The following ZNF516 variants were observed in gnomAD, a reference collection of about 807,000 sequenced individuals.
ZNF516 encodes the protein zinc finger protein 516.
Under a neutral mutation model 79.7 loss-of-function variants are expected in ZNF516, and 19 were observed. The observed-to-expected ratio is 0.24, with a 90% CI of 0.17 to 0.35. The LOEUF is 0.35. Ranked by LOEUF, ZNF516 falls within the 10% of genes least tolerant of loss-of-function variation. The pLI, the probability that ZNF516 is intolerant of heterozygous loss-of-function variation, is 1.00. For synonymous variants in ZNF516, 877 were observed against 739.5 expected, an observed-to-expected ratio of 1.19 and a Z score of -3.02; for missense variants, 1,678 against 1,679.5, an observed-to-expected ratio of 1.00 and a Z score of 0.02.
At chr18:76,406,652 C>T (rs1232854239) in intron 3 of ZNF516, among the ~76,000 whole-genome samples, 1 of 152,242 alleles carries the variant, frequency 6.6e-6, no homozygotes, top group East Asian at 1.9e-4. Flanking sequence ...CTTTCCTAAG[C>T]CTTCCTGGCT....
At chr18:76,492,370 G>A in intron 1 of ZNF516, 1 of 985,152 alleles carries the variant, frequency 1.0e-6, no homozygotes. Flanking sequence ...CCGGTGACGC[G>A]CTGTGCCCGT....
intron 3 of ZNF516, among the ~76,000 whole-genome samples, chr18:76,413,423 TTCAA>T (rs147793711): frequency 0.019 from 2,825 of 152,234 alleles, 47 homozygotes; most frequent in African/African-American, 0.04. Context: ...CAGACGTCTG[TTCAA>T]TCAATCAATC....
intron 3 of ZNF516, among the ~76,000 whole-genome samples, chr18:76,404,740 T>TCA (rs1555702729): frequency 6.6e-6 from 1 of 152,066 alleles, no homozygotes; most frequent in Non-Finnish European, 1.5e-5. Context: ...GCATGTGCGT[T>TCA]GTGTGTGCAT....
At chr18:76,378,824 G>T in intron 4 of ZNF516, 31 bp downstream of exon 4, 1 of 1,593,594 alleles carries the variant, frequency 6.3e-7, no homozygotes. Flanking sequence ...GTCACATGTG[G>T]CCTGGGGAAG....
At chr18:76,439,687 C>T (rs1220285904) in intron 3 of ZNF516, among the ~76,000 whole-genome samples, 4 of 152,080 alleles carry the variant, frequency 2.6e-5, no homozygotes, top group Admixed American at 1.3e-4. Flanking sequence ...CAGGTGACCA[C>T]CATCATAATC....
intron 3 of ZNF516, among the ~76,000 whole-genome samples, chr18:76,438,075 C>A (rs1454840721): frequency 6.6e-6 from 1 of 152,232 alleles, no homozygotes; most frequent in Admixed American, 6.5e-5. Flanking sequence ...TGATATGCAG[C>A]TCAACGGGGC....
intron 3 of ZNF516, among the ~76,000 whole-genome samples, chr18:76,437,102 A>ACACC (rs1432303933): frequency 6.6e-6 from 1 of 151,040 alleles, no homozygotes; most frequent in African/African-American, 2.5e-5. Context: ...ACACACACAT[A>ACACC]CCGTCTCTCA....
In ZNF516 at chr18:76,487,996, CCAAA is replaced by C. The variant is rs1271442925; in HGVS notation, c.-272+7144_-272+7147del. 7.1e-6 allele frequency: 7 copies of C among 985,308 alleles called. 1 individual carries two copies. In the African/African-American group the frequency reaches 8.7e-5, roughly 12 times the overall value. 61.0% of individuals were successfully genotyped at this position (985,308 alleles called of 1,614,324 possible). A position where few individuals can be genotyped will look rare whatever the true frequency, so the allele number is the denominator to read the frequency against. ...AGCGACCAGCCCAAGGGGAACCTAA[CCAAA>C]CAGTCGAACAACCAAATAATCACTG... is the stretch of plus-strand genomic sequence containing the variant. On this transcript the variant is annotated intron_variant, in intron 1 of 6. Coordinates refer to ENST00000443185, the MANE Select transcript of ZNF516 (RefSeq NM_014643.4).
intron 3 of ZNF516, among the ~76,000 whole-genome samples, chr18:76,399,463 G>T (rs540217548): frequency 6.6e-6 from 1 of 152,200 alleles, no homozygotes; most frequent in Non-Finnish European, 1.5e-5. Flanking sequence ...TATATATATA[G>T]TCAGCATATC....
chr18:76,442,563 T>C lies in ZNF516; in HGVS notation c.492A>G (p.Ala164=). 1.3e-6 allele frequency: 2 copies of C among 1,598,722 alleles called. No homozygotes were observed. Among genetic ancestry groups the C allele is most frequent in the Non-Finnish European group, 1.7e-6 (2 of 1,179,430 alleles). Residue 164 remains alanine, a synonymous_variant, in exon 3 of 7, where the codon GCA becomes GCG. Transcript: ENST00000443185. ...RSSKKGAEGS[A]CAPGEAKAAV... ...CTGCCTTGGCCTCCCCCGGGGCGCA[T>C]GCGGACCCCTCTGCCCCCTTCTTGC... is the stretch of plus-strand genomic sequence containing the variant.
intron 3 of ZNF516, among the ~76,000 whole-genome samples, chr18:76,391,922 A>T (rs937509581): frequency 1.3e-5 from 2 of 151,692 alleles, no homozygotes; most frequent in African/African-American, 4.8e-5. Flanking sequence ...GTAGGCCCAC[A>T]GCAGAGAGGC....
At chr18:76,384,157 C>T (rs571302734) in intron 3 of ZNF516, among the ~76,000 whole-genome samples, 22 of 152,126 alleles carry the variant, frequency 1.4e-4, no homozygotes, top group Non-Finnish European at 2.6e-4. Context: ...ACTGCACACG[C>T]GAGGTGAACC....
chr18:76,434,593 A>T (rs2075705539), intron 3 of ZNF516, among the ~76,000 whole-genome samples: 2 of 152,210 alleles, frequency 1.3e-5, no homozygotes, highest in Admixed American at 1.3e-4. Context: ...ACCCCACAGG[A>T]CTTCTGCACA....
Position 76,486,572 on chromosome 18 carries a change from G to A in ZNF516, c.-272+8572C>T, listed in dbSNP as rs190805837. ...AAACTAACACCACATCTTCCTCTACGCACACCATCTCCTAAAAAAGCAAGA... is the reference window on the plus strand; with the variant it reads ...AAACTAACACCACATCTTCCTCTACACACACCATCTCCTAAAAAAGCAAGA... On this transcript the variant is annotated intron_variant, in intron 1 of 6. Coordinates refer to ENST00000443185, the MANE Select transcript of ZNF516 (RefSeq NM_014643.4). Among the ~76,000 whole-genome samples the A allele has an allele frequency of 2.5e-3, 386 of 151,522 alleles. 1 individual carries two copies. The highest frequency in any genetic ancestry group is 8.5e-3 in the African/African-American group (350 of 41,224).
chr18:76,371,544 C>T lies in ZNF516; in HGVS notation c.3287G>A (p.Gly1096Glu), dbSNP rs768677642. The T allele has an allele frequency of 6.2e-7, 1 of 1,610,660 alleles. No homozygotes were observed. The highest frequency in any genetic ancestry group is 1.1e-5 in the South Asian group (1 of 90,994). ...RGTLRTQARPGEFVCIECGKS... is the reference protein window; with the variant it reads ...RGTLRTQARPEEFVCIECGKS... ...TCCGCACTCGATGCAGACGAACTCT[C>T]CTGGCCGGGCCTGCGTCCGGAGTGT... is the stretch of plus-strand genomic sequence containing the variant. The change falls in exon 5 of 7, where the codon GGA becomes GAA. Residue 1096 changes from glycine to glutamate, a missense_variant. Transcript: ENST00000443185.
At chr18:76,437,992 T>C (rs2075766037) in intron 3 of ZNF516, among the ~76,000 whole-genome samples, 1 of 151,880 alleles carries the variant, frequency 6.6e-6, no homozygotes, top group African/African-American at 2.4e-5. Context: ...CAGGATGGAG[T>C]ATGGATTTTA....
intron 1 of ZNF516, chr18:76,491,645 C>T: frequency 2.9e-6 from 2 of 690,110 alleles, no homozygotes; most frequent in Non-Finnish European, 3.5e-6. Context: ...CTCCTCCTGG[C>T]AGCCCAGCAA....
intron 1 of ZNF516, among the ~76,000 whole-genome samples, chr18:76,483,432 T>C (rs1228165404): frequency 1.3e-5 from 2 of 152,182 alleles, no homozygotes; most frequent in African/African-American, 4.8e-5. Flanking sequence ...GCCGCCTCCC[T>C]GCCCACTCCT....
Position 76,374,108 on chromosome 18 carries a change from A to G in ZNF516, c.3260-2537T>C, listed in dbSNP as rs114892977. Among the ~76,000 whole-genome samples the G allele has an allele frequency of 4.6e-3, 703 of 152,368 alleles. 8 individuals are homozygous for G. Among genetic ancestry groups the G allele is most frequent in the African/African-American group, 0.016 (669 of 41,592 alleles). Reference sequence around the variant, plus strand: ...AAAAAGATTCTACAAAGAGAGATCAAACTGCAAGAAAGCACAAAGCTTTCA... The same window carrying G: ...AAAAAGATTCTACAAAGAGAGATCAGACTGCAAGAAAGCACAAAGCTTTCA... On this transcript the variant is annotated intron_variant, in intron 4 of 6. Coordinates refer to ENST00000443185, the MANE Select transcript of ZNF516 (RefSeq NM_014643.4).
Sources: gnomAD v4.1 joint callset for allele counts (sites outside exome capture counted in the v4.1 genomes callset) on GRCh38, gnomAD v4.1.1 for gene constraint, MANE v1.5 for transcripts, NCBI Gene and HGNC (gene_info 2026-07-23, HGNC 2026-07-21) for gene names.